The following CADM2 variants were observed in gnomAD, a reference collection of about 807,000 sequenced individuals.
CADM2 encodes cell adhesion molecule 2.
CADM2 carries 12 observed loss-of-function variants against 49.8 expected under a neutral mutation model. The observed-to-expected ratio is 0.24, with a 90% CI of 0.15 to 0.39. The LOEUF is 0.39. Ranked by LOEUF, CADM2 falls within the 10% of genes least tolerant of loss-of-function variation. The probability of loss-of-function intolerance (pLI) is 1.00; values close to 1 mark genes in which losing one functional copy is unlikely to be tolerated. For missense variants in CADM2, 378 were observed against 492.3 expected, an observed-to-expected ratio of 0.77 and a Z score of 2.20; for synonymous variants, 214 against 175.4, an observed-to-expected ratio of 1.22 and a Z score of -1.74.
At chr3:85,687,253 C>A (rs1401618145) in intron 1 of CADM2, among the ~76,000 whole-genome samples, 2 of 152,130 alleles carry the variant, frequency 1.3e-5, no homozygotes, top group Non-Finnish European at 1.5e-5. Context: ...TACTAATTGA[C>A]AGGAACATTC....
chr3:85,031,729 C>A (rs1292934915), intron 1 of CADM2, among the ~76,000 whole-genome samples: 3 of 151,728 alleles, frequency 2.0e-5, no homozygotes, highest in Non-Finnish European at 4.4e-5. Flanking sequence ...ACAGTGTTAG[C>A]CAGGATGGTC....
intron 1 of CADM2, among the ~76,000 whole-genome samples, chr3:85,291,122 C>T (rs1316656721): frequency 2.6e-5 from 4 of 151,972 alleles, no homozygotes; most frequent in African/African-American, 9.7e-5. Context: ...AACCAAGGCT[C>T]GAGAACTACG....
intron 1 of CADM2, among the ~76,000 whole-genome samples, chr3:85,492,913 G>A (rs2039736529): frequency 6.6e-6 from 1 of 152,042 alleles, no homozygotes; most frequent in Non-Finnish European, 1.5e-5. Context: ...CTCATACTTT[G>A]CCTGGTACTA....
intron 8 of CADM2, among the ~76,000 whole-genome samples, chr3:85,968,822 A>T (rs1009032142): frequency 2.0e-5 from 3 of 151,716 alleles, no homozygotes; most frequent in African/African-American, 7.2e-5. Flanking sequence ...ATGGGAGGAA[A>T]TGTTGGCATT....
At chr3:86,048,964 T>A (rs928360596) in intron 8 of CADM2, among the ~76,000 whole-genome samples, 6 of 152,206 alleles carry the variant, frequency 3.9e-5, no homozygotes, top group African/African-American at 1.2e-4. Flanking sequence ...GTCTCGTTTT[T>A]ATGGCAAGTC....
At chr3:85,673,782 G>T (rs374410963) in intron 1 of CADM2, among the ~76,000 whole-genome samples, 1 of 152,178 alleles carries the variant, frequency 6.6e-6, no homozygotes, top group Non-Finnish European at 1.5e-5. Flanking sequence ...TTTAGCATAT[G>T]ATGTGGCATG....
intron 1 of CADM2, among the ~76,000 whole-genome samples, chr3:85,043,270 C>T (rs1221967517): frequency 6.6e-6 from 1 of 151,964 alleles, no homozygotes; most frequent in African/African-American, 2.4e-5. Context: ...ATACTCCTTT[C>T]TGCAACTATT....
At chr3:85,500,304 T>A (rs1474354932) in intron 1 of CADM2, among the ~76,000 whole-genome samples, 2 of 152,090 alleles carry the variant, frequency 1.3e-5, no homozygotes, top group Admixed American at 1.3e-4. Context: ...TATAAAAAAA[T>A]GGTAAAAATG....
intron 1 of CADM2, among the ~76,000 whole-genome samples, chr3:85,301,386 A>G (rs2044097491): frequency 2.0e-5 from 3 of 151,972 alleles, no homozygotes; most frequent in Non-Finnish European, 2.9e-5. Flanking sequence ...GGGAGAGGAG[A>G]GGGAGGGAGA....
chr3:85,849,514 TG>T (rs1257990440), intron 3 of CADM2, among the ~76,000 whole-genome samples: 7 of 152,218 alleles, frequency 4.6e-5, no homozygotes, highest in Admixed American at 1.3e-4. Context: ...CTTCAGAATT[TG>T]GCAAAAGTCA....
intron 1 of CADM2, among the ~76,000 whole-genome samples, chr3:85,247,386 C>A (rs1460644002): frequency 2.6e-5 from 4 of 151,988 alleles, no homozygotes; most frequent in Admixed American, 2.6e-4. Context: ...TCCGATAAAG[C>A]AGCATAACTG....
At chr3:85,605,611 AG>A (rs1201818434) in intron 1 of CADM2, among the ~76,000 whole-genome samples, 3 of 152,070 alleles carry the variant, frequency 2.0e-5, no homozygotes, top group Admixed American at 1.3e-4. Flanking sequence ...CCTCAAACAT[AG>A]GTCCATGAAG....
intron 1 of CADM2, among the ~76,000 whole-genome samples, chr3:85,632,138 C>T (rs1043131559): frequency 3.9e-5 from 6 of 151,944 alleles, no homozygotes; most frequent in Non-Finnish European, 7.4e-5. Flanking sequence ...ATCACAGGGG[C>T]GGGTCTTTCC....
chr3:85,259,504 T>C (rs998218461), intron 1 of CADM2, among the ~76,000 whole-genome samples: 17 of 152,172 alleles, frequency 1.1e-4, no homozygotes, highest in Non-Finnish European at 1.9e-4. Context: ...AAAGGAGGTA[T>C]TGAAAATATG....
chr3:84,970,975 T>A (rs2031389690), intron 1 of CADM2, among the ~76,000 whole-genome samples: 1 of 152,146 alleles, frequency 6.6e-6, no homozygotes, highest in African/African-American at 2.4e-5. Context: ...ATTCATTATA[T>A]TGAGGATATT....
At chr3:85,358,393 A>T (rs2032049018) in intron 1 of CADM2, among the ~76,000 whole-genome samples, 1 of 151,958 alleles carries the variant, frequency 6.6e-6, no homozygotes, top group African/African-American at 2.4e-5. Flanking sequence ...TTTCCAAAAA[A>T]AATATATATA....
intron 3 of CADM2, among the ~76,000 whole-genome samples, chr3:85,834,217 T>A (rs963198828): frequency 3.3e-5 from 5 of 151,602 alleles, no homozygotes; most frequent in African/African-American, 9.7e-5. Context: ...GAGAAAAAAA[T>A]TATTATACTC....
At chr3:85,160,651 A>G (rs2040294305) in intron 1 of CADM2, among the ~76,000 whole-genome samples, 1 of 152,212 alleles carries the variant, frequency 6.6e-6, no homozygotes, top group African/African-American at 2.4e-5. Context: ...GATCAAATTT[A>G]AAAACATTAC....
chr3:85,567,098 A>G (rs1279476849), intron 1 of CADM2, among the ~76,000 whole-genome samples: 2 of 152,180 alleles, frequency 1.3e-5, no homozygotes, highest in Non-Finnish European at 2.9e-5. Flanking sequence ...CAATTTCTGT[A>G]TTGTATCCTG....
Sources: gnomAD v4.1 joint callset for allele counts (sites outside exome capture counted in the v4.1 genomes callset) on GRCh38, gnomAD v4.1.1 for gene constraint, MANE v1.5 for transcripts, NCBI Gene and HGNC (gene_info 2026-07-23, HGNC 2026-07-21) for gene names.